Variants in OXR1 observed in about 807,000 individuals in gnomAD.
OXR1 encodes oxidation resistance 1.
OXR1 carries 41 observed loss-of-function variants against 104.6 expected under a neutral mutation model. That is an observed-to-expected ratio of 0.39 (90% confidence interval 0.31 to 0.51). The LOEUF (loss-of-function observed/expected upper bound fraction) is 0.51. Ranked by LOEUF, OXR1 falls within the 20% of genes least tolerant of loss-of-function variation. OXR1 has a pLI of 0.77. For missense variants in OXR1, 955 were observed against 1,031.9 expected, an observed-to-expected ratio of 0.93 and a Z score of 1.02; for synonymous variants, 348 against 348.4, an observed-to-expected ratio of 1.00 and a Z score of 0.01.
intron 1 of OXR1, among the ~76,000 whole-genome samples, chr8:106,291,583 C>T (rs1812753589): frequency 6.6e-6 from 1 of 152,176 alleles, no homozygotes; most frequent in South Asian, 2.1e-4. Flanking sequence ...TGGTCAATCA[C>T]AGTCTGAAAA....
intron 1 of OXR1, among the ~76,000 whole-genome samples, chr8:106,285,750 A>G (rs1409478463): frequency 1.3e-5 from 2 of 151,808 alleles, no homozygotes; most frequent in African/African-American, 4.8e-5. Context: ...GCAGAGAATT[A>G]TTTTTCTGTG....
At chr8:106,507,212 G>A (rs888070006) in intron 2 of OXR1, among the ~76,000 whole-genome samples, 4 of 152,212 alleles carry the variant, frequency 2.6e-5, no homozygotes, top group Non-Finnish European at 4.4e-5. Flanking sequence ...AAAAAGTTGA[G>A]TATTTATATG....
chr8:106,399,518 G>T (rs1486269232), intron 2 of OXR1, among the ~76,000 whole-genome samples: 1 of 152,114 alleles, frequency 6.6e-6, no homozygotes, highest in Non-Finnish European at 1.5e-5. Flanking sequence ...TGATGGATGT[G>T]AATAGTTAAC....
chr8:106,337,396 A>T (rs1008885130), intron 1 of OXR1, among the ~76,000 whole-genome samples: 1 of 152,230 alleles, frequency 6.6e-6, no homozygotes, highest in African/African-American at 2.4e-5. Flanking sequence ...TTTATGAGAT[A>T]TTTCATTTAC....
chr8:106,681,009 A>G (rs1350424954), intron 4 of OXR1, among the ~76,000 whole-genome samples: 1 of 152,152 alleles, frequency 6.6e-6, no homozygotes, highest in East Asian at 1.9e-4. Context: ...CTTAGTTGAA[A>G]TCTTGTACCT....
chr8:106,341,985 C>G (rs1815272609), intron 1 of OXR1, among the ~76,000 whole-genome samples: 1 of 151,610 alleles, frequency 6.6e-6, no homozygotes, highest in Non-Finnish European at 1.5e-5. Flanking sequence ...AAGCAATCTT[C>G]CTGCCTCAGC....
At chr8:106,575,985 A>AACACAGAC (rs943811523) in intron 3 of OXR1, among the ~76,000 whole-genome samples, 1 of 144,296 alleles carries the variant, frequency 6.9e-6, no homozygotes, top group Non-Finnish European at 1.5e-5. Context: ...AAATGTTTAT[A>AACACAGAC]ACACACACAC....
At chr8:106,697,863 C>G in intron 7 of OXR1, 1 of 1,612,420 alleles carries the variant, frequency 6.2e-7, no homozygotes, top group Admixed American at 1.7e-5. Context: ...TCTGGAAGTT[C>G]TCGCGTCCAG....
At chr8:106,527,923 A>C (rs1394918673) in intron 3 of OXR1, among the ~76,000 whole-genome samples, 1 of 152,196 alleles carries the variant, frequency 6.6e-6, no homozygotes, top group Admixed American at 6.5e-5. Flanking sequence ...CTTTTCAAAA[A>C]CAAAAATGAA....
In OXR1 at chr8:106,706,900, A is replaced by G. The variant is rs763361187; in HGVS notation, c.1379A>G (p.Gln460Arg). 1 of 1,612,604 alleles carries G rather than the reference A, an allele frequency of 6.2e-7. No individual in the cohort carries two copies. Among genetic ancestry groups the G allele is most frequent in the Non-Finnish European group, 8.5e-7 (1 of 1,179,766 alleles). The stretch of plus-strand genomic sequence containing the variant: ...TTTCTTCATGAGAATTCGTTACACC[A>G]AGAAGAGAGTCAAAAAGAAAATATG... Reference protein sequence around the residue: ...DSFLHENSLHQEESQKENMPC... With the variant: ...DSFLHENSLHREESQKENMPC... The change falls in exon 9 of 17, where the codon CAA (glutamine) becomes CGA (arginine). Residue 460 changes from glutamine to arginine, a missense_variant. Coordinates refer to ENST00000517566, the MANE Select transcript of OXR1 (RefSeq NM_001198533.2).
At chr8:106,476,596 C>A (rs973866674) in intron 2 of OXR1, among the ~76,000 whole-genome samples, 2 of 151,834 alleles carry the variant, frequency 1.3e-5, no homozygotes, top group African/African-American at 4.8e-5. Flanking sequence ...GCATTTTTCC[C>A]CCCAGAATAG....
At position 106,546,266 on chromosome 8, in the gene OXR1, C is replaced by T. The variant is rs146889526; in HGVS notation, c.220+27127C>T. 5.9e-5 allele frequency among the ~76,000 whole-genome samples: 9 copies of T among 152,262 alleles called. No individual in the cohort carries two copies. The East Asian group carries it at 1.7e-3, about 29-fold the overall frequency. ...TAATTCCACATGGGGATATGCTTAG[C>T]TTTCATCGTGAATGTCCCTTAGCTG... On this transcript the variant is annotated intron_variant, in intron 3 of 16. Transcript: ENST00000517566.
chr8:106,347,999 A>C (rs1052555360), intron 1 of OXR1, among the ~76,000 whole-genome samples: 1 of 152,144 alleles, frequency 6.6e-6, no homozygotes. Flanking sequence ...AGGGAACTGA[A>C]TTTTTCCAAG....
chr8:106,748,446 T>C (rs1386390669), intron 16 of OXR1, among the ~76,000 whole-genome samples: 1 of 152,092 alleles, frequency 6.6e-6, no homozygotes, highest in African/African-American at 2.4e-5. Context: ...TTACAGTTTT[T>C]TTGTACTGTC....
intron 16 of OXR1, among the ~76,000 whole-genome samples, chr8:106,746,902 G>T (rs149100816): frequency 9.1e-4 from 139 of 152,188 alleles, no homozygotes; most frequent in African/African-American, 3.1e-3. Flanking sequence ...GATTTTATGG[G>T]TGCTTTAAGT....
chr8:106,487,257 C>T (rs1189992173), intron 2 of OXR1, among the ~76,000 whole-genome samples: 5 of 151,270 alleles, frequency 3.3e-5, no homozygotes, highest in Non-Finnish European at 7.4e-5. Context: ...CTCCTGACCT[C>T]AGGTGATCTG....
chr8:106,373,538 T>G (rs1468408105), intron 2 of OXR1, among the ~76,000 whole-genome samples: 1 of 152,170 alleles, frequency 6.6e-6, no homozygotes, highest in Non-Finnish European at 1.5e-5. Context: ...TTCTATACTT[T>G]TCATGGTAAA....
At position 106,318,106 on chromosome 8, in the gene OXR1, G is replaced by A. The variant is rs1282565244; in HGVS notation, c.-138-41370G>A. On this transcript the variant is annotated intron_variant, in intron 1 of 16. Coordinates refer to ENST00000517566, the MANE Select transcript of OXR1 (RefSeq NM_001198533.2). ...GGCATATGTGATGCTTATTATACACGTAGGCATCTCAAGCAGAATTTAACC... is the reference window on the plus strand; with the variant it reads ...GGCATATGTGATGCTTATTATACACATAGGCATCTCAAGCAGAATTTAACC... Among the ~76,000 whole-genome samples the A allele has an allele frequency of 2.6e-5, 4 of 152,106 alleles. 1 individual carries two copies. The highest frequency in any genetic ancestry group is 9.6e-5 in the African/African-American group (4 of 41,490).
chr8:106,540,496 G>A (rs902193385), intron 3 of OXR1, among the ~76,000 whole-genome samples: 4 of 152,158 alleles, frequency 2.6e-5, no homozygotes, highest in Non-Finnish European at 4.4e-5. Flanking sequence ...AATACACAAC[G>A]TTACAATCAA....
Sources: gnomAD v4.1 joint callset for allele counts (sites outside exome capture counted in the v4.1 genomes callset) on GRCh38, gnomAD v4.1.1 for gene constraint, MANE v1.5 for transcripts, NCBI Gene and HGNC (gene_info 2026-07-23, HGNC 2026-07-21) for gene names.